The following RBFOX3 variants were observed in gnomAD, a reference collection of about 807,000 sequenced individuals.
RBFOX3 encodes RNA binding protein fox-1 homolog 3.
In RBFOX3, 17 loss-of-function variants were observed where a neutral mutation model predicts 48.7. The ratio of observed to expected loss-of-function variants is 0.35; its 90% CI spans 0.24 to 0.52. RBFOX3 has a LOEUF of 0.52. RBFOX3 is among the 20% of genes least tolerant of loss of function. The pLI, the probability that RBFOX3 is intolerant of heterozygous loss-of-function variation, is 0.94. For synonymous variants in RBFOX3, 212 were observed against 209.5 expected (o/e 1.01, Z -0.10); for missense variants, 382 against 497.5 (o/e 0.77, Z 2.21).
At position 79,335,274 on chromosome 17, in the gene RBFOX3, G is replaced by A. The variant is rs147402558; in HGVS notation, c.-174-27450C>T. Among the ~76,000 whole-genome samples the A allele has an allele frequency of 5.1e-4, 78 of 152,312 alleles. 1 individual carries two copies. The highest frequency in any genetic ancestry group is 1.7e-3 in the African/African-American group (69 of 41,568). On this transcript the variant is annotated intron_variant, in intron 2 of 14. Coordinates refer to ENST00000693108, the MANE Select transcript of RBFOX3 (RefSeq NM_001350451.2). ...GAAACAGATGGAGATGTCCATTTGC[G>A]ACCAAAAGGAGATGCCTAGGACAGA...
intron 1 of RBFOX3, among the ~76,000 whole-genome samples, chr17:79,596,978 G>A (rs887473206): frequency 1.1e-4 from 17 of 152,274 alleles, no homozygotes; most frequent in Non-Finnish European, 2.2e-4. Context: ...GGCCTTCACC[G>A]TCTACTTAAC....
chr17:79,661,554 G>C, the RBFOX3 span, among the ~76,000 whole-genome samples: 226 of 152,336 alleles, frequency 1.5e-3, no homozygotes, highest in Middle Eastern at 3.4e-3. Flanking sequence ...CAGTGCTGCT[G>C]TGGTCACACT....
chr17:79,595,932 G>T (rs968494887), intron 1 of RBFOX3, among the ~76,000 whole-genome samples: 2 of 152,158 alleles, frequency 1.3e-5, no homozygotes, highest in African/African-American at 4.8e-5. Flanking sequence ...AATCACGAGC[G>T]TACTCCCCTG....
chr17:79,146,128 A>T (rs2144545915), intron 4 of RBFOX3, among the ~76,000 whole-genome samples: 1 of 152,240 alleles, frequency 6.6e-6, no homozygotes, highest in South Asian at 2.1e-4. Flanking sequence ...AGCGGATATG[A>T]ATACAGACGA....
intron 3 of RBFOX3, among the ~76,000 whole-genome samples, chr17:79,286,494 A>G (rs1205233254): frequency 6.6e-6 from 1 of 152,214 alleles, no homozygotes; most frequent in Non-Finnish European, 1.5e-5. Flanking sequence ...AAACGCTGAG[A>G]TGGGGGTGCT....
chr17:79,436,553 G>A (rs576940666), intron 2 of RBFOX3, among the ~76,000 whole-genome samples: 1 of 152,190 alleles, frequency 6.6e-6, no homozygotes, highest in African/African-American at 2.4e-5. Context: ...ACCAGGAGCA[G>A]GTGGAAGAGC....
chr17:79,309,920 A>G (rs899656573), intron 2 of RBFOX3, among the ~76,000 whole-genome samples: 2 of 152,138 alleles, frequency 1.3e-5, no homozygotes, highest in Non-Finnish European at 1.5e-5. Context: ...TCTTTCCTTT[A>G]TAAGTTACCC....
intron 2 of RBFOX3, among the ~76,000 whole-genome samples, chr17:79,465,208 G>A (rs782570383): frequency 3.2e-4 from 49 of 152,298 alleles, no homozygotes; most frequent in Admixed American, 9.8e-4. Flanking sequence ...ACCCCGACAC[G>A]GGAGCTGACA....
intron 4 of RBFOX3, among the ~76,000 whole-genome samples, chr17:79,164,197 C>T (rs904409956): frequency 2.0e-5 from 3 of 152,202 alleles, no homozygotes; most frequent in Non-Finnish European, 2.9e-5. Flanking sequence ...CATGGCTGCA[C>T]CCCAGGTTCC....
At chr17:79,617,566 T>A in the RBFOX3 span, among the ~76,000 whole-genome samples, 1 of 152,264 alleles carries the variant, frequency 6.6e-6, no homozygotes, top group East Asian at 1.9e-4. Context: ...CTCGACTTCA[T>A]CCTCCACCAC....
At chr17:79,265,044 C>T (rs1365572785) in intron 3 of RBFOX3, among the ~76,000 whole-genome samples, 1 of 152,106 alleles carries the variant, frequency 6.6e-6, no homozygotes, top group Non-Finnish European at 1.5e-5. Context: ...CAGCTCTGTT[C>T]CAAGCAGACT....
intron 4 of RBFOX3, among the ~76,000 whole-genome samples, chr17:79,167,780 C>T (rs536172549): frequency 8.5e-5 from 13 of 152,324 alleles, no homozygotes; most frequent in Admixed American, 4.6e-4. Flanking sequence ...CAGGGCACCC[C>T]GGAGCCGGAG....
At chr17:79,429,503 G>C (rs1555727341) in intron 2 of RBFOX3, among the ~76,000 whole-genome samples, 1 of 152,138 alleles carries the variant, frequency 6.6e-6, no homozygotes, top group African/African-American at 2.4e-5. Context: ...GACTGGGCCA[G>C]GGTTTGTATA....
At chr17:79,310,491 C>G (rs1194497233) in intron 2 of RBFOX3, among the ~76,000 whole-genome samples, 1 of 152,152 alleles carries the variant, frequency 6.6e-6, no homozygotes, top group Non-Finnish European at 1.5e-5. Flanking sequence ...CTCCCATGGG[C>G]CCCTCCCACC....
intron 4 of RBFOX3, among the ~76,000 whole-genome samples, chr17:79,138,800 CCCACACACATGCGTTCACA>C (rs2041114426): frequency 8.1e-6 from 1 of 124,202 alleles, no homozygotes; most frequent in African/African-American, 3.1e-5. Context: ...CGCCCCCTTA[CCCACACACATGCGTTCACA>C]CCCCCTCACC....
At chr17:79,130,337 G>A (rs1280393148) in intron 4 of RBFOX3, among the ~76,000 whole-genome samples, 3 of 152,140 alleles carry the variant, frequency 2.0e-5, no homozygotes, top group African/African-American at 7.2e-5. Context: ...GGGCTTCAGG[G>A]ATCATCCAGG....
intron 2 of RBFOX3, among the ~76,000 whole-genome samples, chr17:79,372,728 C>T (rs1291613449): frequency 6.6e-6 from 1 of 151,778 alleles, no homozygotes; most frequent in Non-Finnish European, 1.5e-5. Context: ...TTCTCATGCT[C>T]CAGAAAAAGG....
In RBFOX3 at chr17:79,092,041, G is replaced by A. The variant is rs893794062; in HGVS notation, c.1078-1156C>T. On this transcript the variant is annotated intron_variant, in intron 14 of 14. Transcript: ENST00000693108. ...CCTGTGGTTGGCTGGGTGAAGGCCT[G>A]CGGGAGCACCCTCAGGCCGGGGAGA... The A allele has an allele frequency of 3.0e-5, 30 of 985,486 alleles. No individual in the cohort carries two copies. The Admixed American group carries it at 1.1e-3, about 36-fold the overall frequency. The allele number at this position is 985,486 out of a possible 1,614,324, so 61.0% of individuals were successfully genotyped here.
At chr17:79,520,384 C>T (rs1312971687) in intron 1 of RBFOX3, among the ~76,000 whole-genome samples, 1 of 152,204 alleles carries the variant, frequency 6.6e-6, no homozygotes, top group Non-Finnish European at 1.5e-5. Flanking sequence ...AGGAGCATGT[C>T]GGGCCAAGGC....
Sources: gnomAD v4.1 joint callset for allele counts (sites outside exome capture counted in the v4.1 genomes callset) on GRCh38, gnomAD v4.1.1 for gene constraint, MANE v1.5 for transcripts, NCBI Gene and HGNC (gene_info 2026-07-23, HGNC 2026-07-21) for gene names.